Variants in ADAMTS12 observed in about 807,000 individuals in gnomAD.
ADAMTS12 encodes A disintegrin and metalloproteinase with thrombospondin motifs 12.
A neutral mutation model predicts 167.8 loss-of-function variants in ADAMTS12; 118 were observed. The observed-to-expected ratio is 0.70, with a 90% CI of 0.61 to 0.82. The LOEUF (loss-of-function observed/expected upper bound fraction) is 0.82. Ranked by LOEUF, ADAMTS12 falls within the 40% of genes least tolerant of loss-of-function variation. The pLI is 0.00. For missense variants in ADAMTS12, 1,916 were observed against 1,998.8 expected (o/e 0.96, Z 0.79); for synonymous variants, 704 against 716.9 (o/e 0.98, Z 0.29).
chr5:33,782,023 C>A (rs374899248), intron 2 of ADAMTS12, among the ~76,000 whole-genome samples: 3 of 151,956 alleles, frequency 2.0e-5, no homozygotes, highest in East Asian at 3.9e-4. Context: ...TGTATCTATA[C>A]CTTAACCTCA....
chr5:33,787,930 A>T (rs1746389993), intron 2 of ADAMTS12, among the ~76,000 whole-genome samples: 1 of 152,268 alleles, frequency 6.6e-6, no homozygotes, highest in Non-Finnish European at 1.5e-5. Flanking sequence ...TGGGTGCCAG[A>T]TAATTGAAGA....
intron 3 of ADAMTS12, among the ~76,000 whole-genome samples, chr5:33,688,043 T>C (rs769208741): frequency 6.6e-6 from 1 of 152,196 alleles, no homozygotes; most frequent in Non-Finnish European, 1.5e-5. Context: ...GACTCTCTAA[T>C]TAGGCTTTAA....
rs1172915768 is a variant in ADAMTS12 at position 33,637,801 on chromosome 5, C to T, written c.1719-55G>A. 4 of 1,569,168 alleles carry T rather than the reference C, an allele frequency of 2.5e-6. No individual in the cohort carries two copies. In the African/African-American group the frequency reaches 4.1e-5, roughly 16 times the overall value. On this transcript the variant is annotated intron_variant, in intron 11 of 23. Transcript: ENST00000504830. ...TAGTTTGCTTCAACGCCAGCACTTT[C>T]CTTTAAAACTCCTCTGGTATCTGGC...
intron 19 of ADAMTS12, among the ~76,000 whole-genome samples, chr5:33,573,124 T>G (rs2111946473): frequency 6.6e-6 from 1 of 152,172 alleles, no homozygotes; most frequent in Admixed American, 6.5e-5. Flanking sequence ...GGAAGAAGAT[T>G]CCATGCTCAT....
intron 2 of ADAMTS12, among the ~76,000 whole-genome samples, chr5:33,789,230 C>T (rs1174134245): frequency 6.6e-6 from 1 of 152,208 alleles, no homozygotes; most frequent in East Asian, 1.9e-4. Flanking sequence ...TGTCCCAGGC[C>T]CAAGGCCTCA....
intron 9 of ADAMTS12, among the ~76,000 whole-genome samples, chr5:33,644,390 G>C (rs766313498): frequency 6.6e-6 from 1 of 152,294 alleles, no homozygotes; most frequent in African/African-American, 2.4e-5. Flanking sequence ...GGGAAGGGAA[G>C]TAATTTTCTC....
At chr5:33,843,309 T>A (rs1748814707) in intron 2 of ADAMTS12, among the ~76,000 whole-genome samples, 2 of 152,102 alleles carry the variant, frequency 1.3e-5, no homozygotes, top group African/African-American at 4.8e-5. Flanking sequence ...AGTGCTAGGT[T>A]CCTGAGCCTG....
In ADAMTS12 at chr5:33,891,964, G is replaced by A; in HGVS notation, c.-108C>T. The A allele has an allele frequency of 7.1e-7, 1 of 1,410,546 alleles. No individual in the cohort carries two copies. Among genetic ancestry groups the A allele is most frequent in the Non-Finnish European group, 9.6e-7 (1 of 1,046,782 alleles). 87.4% of individuals were successfully genotyped at this position (1,410,546 alleles called of 1,614,324 possible). ...GGAAGATGCAGGGGTGCATGGTCAG[G>A]CGCGAGAAGGCAGCGACTGCAAAGC... On this transcript the variant is annotated 5_prime_UTR_variant, in exon 1 of 24. Coordinates refer to ENST00000504830, the MANE Select transcript of ADAMTS12 (RefSeq NM_030955.4).
intron 2 of ADAMTS12, among the ~76,000 whole-genome samples, chr5:33,790,742 T>C (rs1746528696): frequency 6.7e-6 from 1 of 148,608 alleles, no homozygotes; most frequent in African/African-American, 2.5e-5. Flanking sequence ...CAAACACACA[T>C]ATACTTGACT....
chr5:33,722,695 C>G (rs964684971), intron 3 of ADAMTS12, among the ~76,000 whole-genome samples: 21 of 152,216 alleles, frequency 1.4e-4, no homozygotes, highest in Non-Finnish European at 4.4e-5. Flanking sequence ...AACATCTACT[C>G]TACCAACAAA....
intron 2 of ADAMTS12, among the ~76,000 whole-genome samples, chr5:33,857,495 T>A (rs1217803424): frequency 6.6e-6 from 1 of 152,148 alleles, no homozygotes; most frequent in Non-Finnish European, 1.5e-5. Flanking sequence ...TTGACTGTGG[T>A]TATTATTACA....
intron 15 of ADAMTS12, among the ~76,000 whole-genome samples, chr5:33,614,641 T>A (rs886977504): frequency 6.6e-6 from 1 of 152,276 alleles, no homozygotes; most frequent in African/African-American, 2.4e-5. Context: ...CCATGGGAAT[T>A]TCAGTTCACA....
At chr5:33,873,749 A>G (rs952094487) in intron 2 of ADAMTS12, among the ~76,000 whole-genome samples, 1 of 152,198 alleles carries the variant, frequency 6.6e-6, no homozygotes, top group African/African-American at 2.4e-5. Context: ...CCATAAATAG[A>G]CCAACATAAA....
Position 33,527,273 on chromosome 5 carries a change from C to T in ADAMTS12, c.4700G>A (p.Cys1567Tyr), listed in dbSNP as rs1325046242. The change falls in exon 24 of 24, where the codon TGC (cysteine) becomes TAC (tyrosine). Residue 1567 changes from cysteine (C) to tyrosine (Y), a missense_variant. Cys to Tyr is a radical substitution (Grantham distance 194, BLOSUM62 -2). Transcript: ENST00000504830. ...KCSVPTVRAE[C>Y]CFSCPQTHIT... Reference sequence around the variant, plus strand: ...GTGTGTCTGGGGACACGAGAAGCAGCACTCAGCCCTCACGGTGGGCACAGA... The same window carrying T: ...GTGTGTCTGGGGACACGAGAAGCAGTACTCAGCCCTCACGGTGGGCACAGA... 10 of 1,613,948 alleles carry T rather than the reference C, an allele frequency of 6.2e-6. No homozygotes were observed. The highest frequency in any genetic ancestry group is 8.5e-6 in the Non-Finnish European group (10 of 1,180,012).
chr5:33,842,618 T>C (rs774019718), intron 2 of ADAMTS12, among the ~76,000 whole-genome samples: 1 of 152,206 alleles, frequency 6.6e-6, no homozygotes, highest in African/African-American at 2.4e-5. Flanking sequence ...AAGGAACTAT[T>C]GAGGAAACGC....
At chr5:33,649,533 T>C in intron 8 of ADAMTS12, 21 bp downstream of exon 8, 8 of 1,611,760 alleles carry the variant, frequency 5.0e-6, no homozygotes, top group Non-Finnish European at 6.8e-6. Context: ...GGTGAGGGCG[T>C]CATGAGACAC....
At chr5:33,624,007 T>C (rs1385389046) in intron 14 of ADAMTS12, among the ~76,000 whole-genome samples, 1 of 152,228 alleles carries the variant, frequency 6.6e-6, no homozygotes, top group African/African-American at 2.4e-5. Context: ...TTCAGATCTC[T>C]ATCTCACTGT....
intron 2 of ADAMTS12, among the ~76,000 whole-genome samples, chr5:33,872,075 C>G (rs938561791): frequency 6.6e-6 from 1 of 152,124 alleles, no homozygotes; most frequent in African/African-American, 2.4e-5. Context: ...TAATAACCCT[C>G]CAAAAGAAAA....
intron 12 of ADAMTS12, among the ~76,000 whole-genome samples, chr5:33,635,945 G>A (rs1740172537): frequency 6.6e-6 from 1 of 152,148 alleles, no homozygotes; most frequent in African/African-American, 2.4e-5. Flanking sequence ...AGGGAGTAAG[G>A]TCAGCAGGTG....
Sources: allele counts gnomAD v4.1 joint callset (sites outside exome capture counted in the v4.1 genomes callset), GRCh38; gene constraint gnomAD v4.1.1; transcripts MANE v1.5; gene names NCBI Gene and HGNC (gene_info 2026-07-23, HGNC 2026-07-21).